The following BRD7 variants were observed in gnomAD, a reference collection of about 807,000 sequenced individuals.
BRD7 encodes the protein bromodomain containing 7.
BRD7 carries 15 observed loss-of-function variants against 82.1 expected under a neutral mutation model. That is an observed-to-expected ratio of 0.18 (90% CI 0.12 to 0.28). The LOEUF is 0.28. Among genes scored for constraint, BRD7 ranks in the 10% least tolerant of loss-of-function variants. BRD7 has a pLI of 1.00. For missense variants in BRD7, 638 were observed against 779.9 expected, an observed-to-expected ratio of 0.82 and a Z score of 2.17; for synonymous variants, 232 against 266.9, an observed-to-expected ratio of 0.87 and a Z score of 1.27.
intron 2 of BRD7, among the ~76,000 whole-genome samples, chr16:50,360,519 A>G (rs1378514127): frequency 6.6e-6 from 1 of 152,196 alleles, no homozygotes; most frequent in Non-Finnish European, 1.5e-5. Context: ...CATTAGCTCT[A>G]TGATGCTTTC....
intron 2 of BRD7, among the ~76,000 whole-genome samples, chr16:50,356,500 T>C: frequency 6.6e-6 from 1 of 152,298 alleles, no homozygotes; most frequent in East Asian, 1.9e-4. Flanking sequence ...AGAAACAATG[T>C]CTGAAGAAAA....
intron 4 of BRD7, among the ~76,000 whole-genome samples, chr16:50,352,701 G>GTTTTTT (rs34714781): frequency 9.4e-5 from 12 of 127,632 alleles, no homozygotes; most frequent in Non-Finnish European, 6.6e-5. Flanking sequence ...TGCCAGCTTT[G>GTTTTTT]TTTTTTTTTT....
chr16:50,354,429 G>C lies in BRD7; in HGVS notation c.442C>G (p.Gln148Glu). The change falls in exon 4 of 17, where the codon CAG becomes GAG. Residue 148 changes from glutamine to glutamate, a missense_variant. By Grantham distance (29) the Gln-to-Glu change is conservative. Transcript: ENST00000394688. ...EALNQLMRQL[Q>E]RKDPSAFFSF... is the part of the protein sequence containing the mutation. ...AAATATTGGAAAAACATTTACCTCT[G>C]CAATTGTCTCATCAGTTGATTCAAA... 6.2e-7 allele frequency: 1 copy of C among 1,610,380 alleles called. No homozygotes were observed.
At chr16:50,338,036 G>A (rs972198802) in intron 6 of BRD7, among the ~76,000 whole-genome samples, 1 of 152,148 alleles carries the variant, frequency 6.6e-6, no homozygotes, top group African/African-American at 2.4e-5. Flanking sequence ...ACTTAAGGAA[G>A]TGGTAAATCA....
At chr16:50,350,217 A>G (rs1225544511) in intron 4 of BRD7, 50 bp from the exon 5 acceptor site, 6 of 1,382,054 alleles carry the variant, frequency 4.3e-6, no homozygotes, top group Admixed American at 2.5e-5. Context: ...ATTACAAACA[A>G]ATCTATTGGT....
intron 5 of BRD7, among the ~76,000 whole-genome samples, chr16:50,343,885 G>A (rs561829470): frequency 2.6e-5 from 4 of 152,314 alleles, no homozygotes; most frequent in Admixed American, 1.3e-4. Context: ...AGACTTAAAC[G>A]TCCCTGTCTG....
At chr16:50,355,024 T>G in intron 2 of BRD7, 102 bp from the exon 3 acceptor site, 1 of 1,348,292 alleles carries the variant, frequency 7.4e-7, no homozygotes, top group Non-Finnish European at 1.0e-6. Context: ...GTAAAGAAAA[T>G]ATTCTTAATA....
At chr16:50,334,280 T>C (rs116315399) in intron 7 of BRD7, among the ~76,000 whole-genome samples, 241 of 152,266 alleles carry the variant, frequency 1.6e-3, no homozygotes, top group African/African-American at 5.6e-3. Flanking sequence ...CCAGCTGACA[T>C]TGGGTGGAAA....
intron 2 of BRD7, among the ~76,000 whole-genome samples, chr16:50,357,749 G>A (rs1174440854): frequency 1.3e-5 from 2 of 152,186 alleles, no homozygotes; most frequent in African/African-American, 4.8e-5. Context: ...GGGAGGCTGA[G>A]GCAGGTGTAC....
At chr16:50,335,565 A>G (rs1429240500) in intron 6 of BRD7, among the ~76,000 whole-genome samples, 4 of 152,240 alleles carry the variant, frequency 2.6e-5, no homozygotes, top group African/African-American at 9.6e-5. Context: ...TTAAGAAGGC[A>G]TATTTGTTTC....
At chr16:50,334,043 G>C (rs1277190937) in intron 7 of BRD7, among the ~76,000 whole-genome samples, 1 of 152,186 alleles carries the variant, frequency 6.6e-6, no homozygotes, top group Non-Finnish European at 1.5e-5. Flanking sequence ...TTTAAAACAA[G>C]CACTTAAGTG....
At chr16:50,354,381 C>A in intron 4 of BRD7, 44 bp downstream of exon 4, 1 of 1,501,894 alleles carries the variant, frequency 6.7e-7, no homozygotes, top group South Asian at 1.2e-5. Context: ...TACACATCTA[C>A]CATTTTAATT....
At chr16:50,322,964 C>T (rs1486720123) in intron 12 of BRD7, among the ~76,000 whole-genome samples, 1 of 152,172 alleles carries the variant, frequency 6.6e-6, no homozygotes, top group Non-Finnish European at 1.5e-5. Flanking sequence ...CCAGGCACTA[C>T]AGTCACAGTC....
chr16:50,343,322 G>C (rs1357538351), intron 5 of BRD7, among the ~76,000 whole-genome samples: 2 of 152,216 alleles, frequency 1.3e-5, no homozygotes, highest in South Asian at 2.1e-4. Flanking sequence ...CTGGTTGTTT[G>C]AAAGTGTGTA....
chr16:50,316,184 A>G lies in BRD7; in HGVS notation c.*3027T>C, dbSNP rs1198621806. The G allele has an allele frequency of 6.6e-6, 1 of 152,490 alleles. No homozygotes were observed. Among genetic ancestry groups the G allele is most frequent in the African/African-American group, 2.4e-5 (1 of 41,442 alleles). The allele number at this position is 152,490 out of a possible 1,614,324, so 9.4% of individuals were successfully genotyped here. ...GACATAAATCTCTTCCCTCCAGTGT[A>G]TGCTCTGCCTTTTTAACCACTGACA... On this transcript the variant is annotated 3_prime_UTR_variant, in exon 17 of 17. Coordinates refer to ENST00000394688, the MANE Select transcript of BRD7 (RefSeq NM_013263.5).
chr16:50,328,747 G>C lies in BRD7; in HGVS notation c.1012-3C>G, dbSNP rs1270781754. On this transcript the variant is annotated splice_polypyrimidine_tract_variant and splice_region_variant and intron_variant, in intron 8 of 16. Transcript: ENST00000394688. Reference sequence around the variant, plus strand: ...GGTTTTCTTCTTTCAAATTCGCACTGCAATGACCCAAAGTATTCAGATGGA... The same window carrying C: ...GGTTTTCTTCTTTCAAATTCGCACTCCAATGACCCAAAGTATTCAGATGGA... 1 of 1,613,436 alleles carries C rather than the reference G, an allele frequency of 6.2e-7. No homozygotes were observed. Among genetic ancestry groups the C allele is most frequent in the Non-Finnish European group, 8.5e-7 (1 of 1,179,730 alleles).
chr16:50,356,829 C>G (rs2038754923), intron 2 of BRD7, among the ~76,000 whole-genome samples: 1 of 152,056 alleles, frequency 6.6e-6, no homozygotes, highest in Non-Finnish European at 1.5e-5. Context: ...TTATTATTCT[C>G]TGTACTCTGC....
chr16:50,345,239 G>T (rs1203887096), intron 5 of BRD7, among the ~76,000 whole-genome samples: 1 of 152,146 alleles, frequency 6.6e-6, no homozygotes, highest in African/African-American at 2.4e-5. Flanking sequence ...GTCATCACCA[G>T]GCCTGTCTTA....
At chr16:50,326,528 C>T in intron 9 of BRD7, 137 bp from the exon 10 acceptor site, 1 of 490,552 alleles carries the variant, frequency 2.0e-6, no homozygotes, top group Non-Finnish European at 3.5e-6. Flanking sequence ...CTTACTACAT[C>T]CACTTTTATA....
Sources: gnomAD v4.1 joint callset for allele counts (sites outside exome capture counted in the v4.1 genomes callset) on GRCh38, gnomAD v4.1.1 for gene constraint, MANE v1.5 for transcripts, NCBI Gene and HGNC (gene_info 2026-07-23, HGNC 2026-07-21) for gene names.